PCDH15: variants seen among roughly 807,000 people sequenced by gnomAD.
PCDH15 encodes protocadherin related 15.
A neutral mutation model predicts 178.5 loss-of-function variants in PCDH15; 129 were observed. The ratio of observed to expected loss-of-function variants is 0.72; its 90% confidence interval spans 0.63 to 0.84. The LOEUF (loss-of-function observed/expected upper bound fraction) is 0.84. PCDH15 is among the 40% of genes least tolerant of loss of function. The pLI, the probability that PCDH15 is intolerant of heterozygous loss-of-function variation, is 0.00. For missense variants in PCDH15, 2,230 were observed against 2,099.9 expected (o/e 1.06, Z -1.21); for synonymous variants, 800 against 732.0 (o/e 1.09, Z -1.50).
intron 2 of PCDH15, among the ~76,000 whole-genome samples, chr10:55,366,855 T>C (rs1025326827): frequency 5.9e-5 from 9 of 152,084 alleles, no homozygotes; most frequent in African/African-American, 2.2e-4. Flanking sequence ...AATGTATCTA[T>C]TTTCTCAAAA....
intron 1 of PCDH15, among the ~76,000 whole-genome samples, chr10:55,175,557 G>C (rs540144718): frequency 6.6e-6 from 1 of 151,530 alleles, no homozygotes; most frequent in Admixed American, 6.6e-5. Flanking sequence ...CAGGTACTTG[G>C]GGGGTGGCTG....
intron 2 of PCDH15, among the ~76,000 whole-genome samples, chr10:54,936,003 T>G (rs1837897423): frequency 6.6e-6 from 1 of 152,070 alleles, no homozygotes; most frequent in Non-Finnish European, 1.5e-5. Flanking sequence ...TTTTATTCAC[T>G]TCATAAAGAA....
intron 2 of PCDH15, among the ~76,000 whole-genome samples, chr10:55,542,446 ATATG>A (rs1841786183): frequency 6.6e-6 from 1 of 150,958 alleles, no homozygotes; most frequent in Non-Finnish European, 1.5e-5. Flanking sequence ...TATATGTAAT[ATATG>A]TATTTAATAC....
intron 2 of PCDH15, among the ~76,000 whole-genome samples, chr10:55,585,590 C>T (rs566123723): frequency 4.6e-5 from 7 of 152,120 alleles, no homozygotes; most frequent in East Asian, 1.9e-4. Context: ...GCAGGAGAAT[C>T]GCTTGATCCC....
intron 25 of PCDH15, among the ~76,000 whole-genome samples, chr10:53,910,348 C>T (rs115848788): frequency 0.017 from 2,568 of 152,184 alleles, 57 homozygotes; most frequent in African/African-American, 0.055. Flanking sequence ...CTGAAGCCTC[C>T]GCTGGTAACA....
chr10:55,586,471 TC>T (rs1434663466), intron 2 of PCDH15, among the ~76,000 whole-genome samples: 1 of 152,136 alleles, frequency 6.6e-6, no homozygotes, highest in Non-Finnish European at 1.5e-5. Context: ...TACTTAACTT[TC>T]TTCTGAAAAT....
At chr10:53,905,519 T>C (rs2082620101) in intron 25 of PCDH15, among the ~76,000 whole-genome samples, 1 of 152,078 alleles carries the variant, frequency 6.6e-6, no homozygotes. Flanking sequence ...GTTTTTTTAG[T>C]AGAGACGGGA....
intron 2 of PCDH15, among the ~76,000 whole-genome samples, chr10:55,618,739 T>C (rs181286595): frequency 2.0e-5 from 3 of 151,946 alleles, no homozygotes; most frequent in African/African-American, 4.8e-5. Context: ...AACTAAACAG[T>C]AGAGTCTGGA....
intron 6 of PCDH15, among the ~76,000 whole-genome samples, chr10:54,335,425 T>C (rs1205639046): frequency 2.0e-5 from 3 of 152,192 alleles, no homozygotes; most frequent in African/African-American, 7.2e-5. Context: ...ACAATTGATA[T>C]GGTTTGGGTG....
intron 3 of PCDH15, among the ~76,000 whole-genome samples, chr10:54,847,582 G>A (rs1196121094): frequency 1.3e-5 from 2 of 151,838 alleles, no homozygotes; most frequent in East Asian, 3.9e-4. Flanking sequence ...AATAATTTAG[G>A]TGTTGTAACA....
At chr10:55,411,525 C>A (rs944115003) in intron 2 of PCDH15, among the ~76,000 whole-genome samples, 2 of 152,092 alleles carry the variant, frequency 1.3e-5, no homozygotes, top group Non-Finnish European at 2.9e-5. Context: ...CCCTAAACTA[C>A]TATTTGCCTT....
intron 21 of PCDH15, among the ~76,000 whole-genome samples, chr10:53,980,248 T>G (rs1447922245): frequency 6.6e-6 from 1 of 151,850 alleles, no homozygotes; most frequent in African/African-American, 2.4e-5. Context: ...AAACTTAATT[T>G]TATTAGGATT....
intron 2 of PCDH15, among the ~76,000 whole-genome samples, chr10:55,043,990 G>T (rs1408514232): frequency 6.6e-6 from 1 of 152,058 alleles, no homozygotes; most frequent in Non-Finnish European, 1.5e-5. Context: ...AAGAGATCCA[G>T]AATATAGATC....
chr10:55,095,536 C>T (rs968372985), intron 2 of PCDH15, among the ~76,000 whole-genome samples: 1 of 151,990 alleles, frequency 6.6e-6, no homozygotes, highest in Non-Finnish European at 1.5e-5. Flanking sequence ...TCTTTTCTTT[C>T]TACCTCAAAA....
chr10:54,424,093 G>C (rs147388219), intron 3 of PCDH15, among the ~76,000 whole-genome samples: 2,912 of 151,888 alleles, frequency 0.019, 156 homozygotes, highest in African/African-American at 0.067. Flanking sequence ...CAGAATGGGA[G>C]AAAAGTTTGC....
chr10:54,156,065 C>T (rs1590838215), intron 13 of PCDH15, among the ~76,000 whole-genome samples: 1 of 152,128 alleles, frequency 6.6e-6, no homozygotes, highest in African/African-American at 2.4e-5. Context: ...CAATATTTTG[C>T]TTACAAGTTT....
chr10:54,446,439 T>C (rs2488049), intron 3 of PCDH15, among the ~76,000 whole-genome samples: 9,143 of 151,734 alleles, frequency 0.06, 786 homozygotes, highest in African/African-American at 0.19. Flanking sequence ...CAAAAAGTAC[T>C]ACTGTTGATT....
intron 26 of PCDH15, among the ~76,000 whole-genome samples, chr10:53,875,028 G>A (rs994557515): frequency 2.6e-5 from 4 of 151,574 alleles, no homozygotes; most frequent in Admixed American, 2.0e-4. Flanking sequence ...ACAGAGCTAC[G>A]AAGATGAACA....
At chr10:54,246,145 G>GCACAA (rs1360446728) in intron 8 of PCDH15, among the ~76,000 whole-genome samples, 1 of 151,866 alleles carries the variant, frequency 6.6e-6, no homozygotes, top group African/African-American at 2.4e-5. Flanking sequence ...AATATATAAT[G>GCACAA]TACTTTTAAA....
Sources: allele counts gnomAD v4.1 joint callset (sites outside exome capture counted in the v4.1 genomes callset), GRCh38; gene constraint gnomAD v4.1.1; transcripts MANE v1.5; gene names NCBI Gene and HGNC (gene_info 2026-07-23, HGNC 2026-07-21).